DIPK1C: variants seen among roughly 807,000 people sequenced by gnomAD.
The protein encoded by DIPK1C is divergent protein kinase domain 1C.
Under a neutral mutation model 28.0 loss-of-function variants are expected in DIPK1C, and 33 were observed. That is an observed-to-expected ratio of 1.18 (90% CI 0.89 to 1.58). The LOEUF (loss-of-function observed/expected upper bound fraction) is 1.58. Among genes scored for constraint, DIPK1C ranks in the 40% most tolerant of loss-of-function variants. DIPK1C has a pLI of 0.00. For missense variants in DIPK1C, 569 were observed against 568.5 expected (o/e 1.00, Z -0.01); for synonymous variants, 255 against 248.8 (o/e 1.02, Z -0.23).
chr18:74,460,281 T>C (rs990397712), upstream of DIPK1C, among the ~76,000 whole-genome samples: 4 of 152,230 alleles, frequency 2.6e-5, no homozygotes, highest in Non-Finnish European at 4.4e-5. Flanking sequence ...CCTTGACCAG[T>C]ACAGATGTTC....
At chr18:74,445,615 A>T (rs1986241572) in intron 2 of DIPK1C, among the ~76,000 whole-genome samples, 2 of 152,328 alleles carry the variant, frequency 1.3e-5, no homozygotes, top group South Asian at 4.1e-4. Flanking sequence ...TTTATGTTGC[A>T]ACCATGCTGA....
intron 2 of DIPK1C, among the ~76,000 whole-genome samples, chr18:74,442,430 G>A (rs149508747): frequency 3.9e-5 from 6 of 152,098 alleles, no homozygotes; most frequent in East Asian, 3.9e-4. Flanking sequence ...CCGGGTTCAC[G>A]CCATTCTCCT....
At chr18:74,457,815 G>C (rs1017234128), upstream of DIPK1C, 7 of 149,532 alleles carry the variant, frequency 4.7e-5, no homozygotes, top group South Asian at 2.1e-4. Flanking sequence ...AGTGAGATCC[G>C]GAGCATGCAG....
chr18:74,439,967 C>T (rs549560006), intron 3 of DIPK1C, among the ~76,000 whole-genome samples: 17 of 133,742 alleles, frequency 1.3e-4, no homozygotes, highest in African/African-American at 1.7e-4. Context: ...TTTTTTGAGA[C>T]GGAGTCTCGC....
In DIPK1C at chr18:74,446,734, C is replaced by G; in HGVS notation, c.748G>C (p.Ala250Pro). The change falls in exon 2 of 4, where the codon GCC becomes CCC. Residue 250 changes from alanine to proline, a missense_variant. Transcript: ENST00000343998. ...RAPGAPGGGQ[A>P]KAISDIALSF... is the part of the protein sequence containing the mutation. The stretch of plus-strand genomic sequence containing the variant: ...AGTGCGATGTCACTGATGGCCTTGG[C>G]CTGGCCACCCCCAGGGGCACCTGGG... 1 of 1,540,122 alleles carries G rather than the reference C, an allele frequency of 6.5e-7. No homozygotes were observed.
At chr18:74,446,079 C>A (rs1284741995) in intron 2 of DIPK1C, among the ~76,000 whole-genome samples, 5 of 152,236 alleles carry the variant, frequency 3.3e-5, no homozygotes, top group Non-Finnish European at 5.9e-5. Flanking sequence ...ACTAAAACCC[C>A]ATTTGTTCCT....
upstream of DIPK1C, among the ~76,000 whole-genome samples, chr18:74,460,562 C>T (rs1376832378): frequency 1.3e-5 from 2 of 152,072 alleles, no homozygotes; most frequent in East Asian, 1.9e-4. Flanking sequence ...ATAGTAAAGC[C>T]GTGTTATTAA....
At chr18:74,458,282 G>T (rs944440728), upstream of DIPK1C, among the ~76,000 whole-genome samples, 1 of 152,198 alleles carries the variant, frequency 6.6e-6, no homozygotes, top group Non-Finnish European at 1.5e-5. Flanking sequence ...TGCATTCACT[G>T]AACAAAAGCT....
At chr18:74,437,502 G>T (rs985253018) in intron 3 of DIPK1C, among the ~76,000 whole-genome samples, 9 of 152,102 alleles carry the variant, frequency 5.9e-5, no homozygotes, top group Non-Finnish European at 1.3e-4. Context: ...TGCGAGCTGC[G>T]TGATGCATCA....
chr18:74,440,106 G>A (rs921916976), intron 3 of DIPK1C, among the ~76,000 whole-genome samples: 10 of 151,916 alleles, frequency 6.6e-5, no homozygotes, highest in South Asian at 2.1e-4. Flanking sequence ...CACCTCGCCC[G>A]GCTAATTTTT....
chr18:74,464,330 A>T, the DIPK1C span, among the ~76,000 whole-genome samples: 1 of 152,156 alleles, frequency 6.6e-6, no homozygotes, highest in Non-Finnish European at 1.5e-5. Context: ...CCTTGGTTCC[A>T]CCTCTCTCTC....
rs1042182093 is a variant in DIPK1C at position 74,435,314 on chromosome 18, G to C, written c.*1187C>G. 6.6e-6 allele frequency: 1 copy of C among 152,216 alleles called. No individual in the cohort carries two copies. The highest frequency in any genetic ancestry group is 2.4e-5 in the African/African-American group (1 of 41,440). The allele number at this position is 152,216 out of a possible 1,614,324, so 9.4% of individuals were successfully genotyped here. On this transcript the variant is annotated 3_prime_UTR_variant, in exon 4 of 4. Transcript: ENST00000343998. ...GTTTGTTGAGCACTCGTGGGTCACA[G>C]TTATGGGTAGAAACCAGGTCCCTTT...
At chr18:74,442,176 G>A in intron 2 of DIPK1C, 60 bp from the exon 3 acceptor site, 1 of 1,593,206 alleles carries the variant, frequency 6.3e-7, no homozygotes, top group Non-Finnish European at 8.5e-7. Flanking sequence ...CAGAGAGGGA[G>A]CCTGTTCACA....
intron 1 of DIPK1C, among the ~76,000 whole-genome samples, chr18:74,456,657 G>C (rs905999798): frequency 6.6e-6 from 1 of 152,214 alleles, no homozygotes; most frequent in Non-Finnish European, 1.5e-5. Flanking sequence ...AGACAGAGGC[G>C]TGGCACCCCG....
chr18:74,463,118 G>A, the DIPK1C span, among the ~76,000 whole-genome samples: 1 of 152,150 alleles, frequency 6.6e-6, no homozygotes, highest in Non-Finnish European at 1.5e-5. Flanking sequence ...GGGTGCCATG[G>A]GGATTCCAGC....
In DIPK1C at chr18:74,441,286, G is replaced by C. The variant is rs560443246; in HGVS notation, c.1041+666C>G. Among the ~76,000 whole-genome samples the C allele has an allele frequency of 4.5e-4, 69 of 152,270 alleles. 1 individual carries two copies. The highest frequency in any genetic ancestry group is 3.4e-3 in the Middle Eastern group (1 of 294). On this transcript the variant is annotated intron_variant, in intron 3 of 3. Transcript: ENST00000343998. ...GGGGAAGGTCTGCCTAGACACTGTGGGGCCTCCTCCGGGTATGATCAGCAC... is the reference window on the plus strand; with the variant it reads ...GGGGAAGGTCTGCCTAGACACTGTGCGGCCTCCTCCGGGTATGATCAGCAC...
At chr18:74,440,985 T>C (rs750674225) in intron 3 of DIPK1C, among the ~76,000 whole-genome samples, 8 of 151,548 alleles carry the variant, frequency 5.3e-5, no homozygotes, top group Non-Finnish European at 1.0e-4. Context: ...GGTGGCAGAG[T>C]CGGGGTGTTT....
upstream of DIPK1C, chr18:74,457,724 T>TC (rs72049473): frequency 0.67 from 88,100 of 131,354 alleles, 29,853 homozygotes; most frequent in East Asian, 0.92. Context: ...TGCAGCGTTG[T>TC]CCCCCCCCGT....
Position 74,446,876 on chromosome 18 carries a change from C to A in DIPK1C, c.606G>T (p.Leu202=). 2 of 1,519,908 alleles carry A rather than the reference C, an allele frequency of 1.3e-6. No individual in the cohort carries two copies. The highest frequency in any genetic ancestry group is 1.8e-6 in the Non-Finnish European group (2 of 1,129,292). 94.2% of individuals were successfully genotyped at this position (1,519,908 alleles called of 1,614,324 possible). The change falls in exon 2 of 4, where the codon CTG becomes CTT. Residue 202 remains leucine (L), a synonymous_variant. Transcript: ENST00000343998. The stretch of plus-strand genomic sequence containing the variant: ...GCAGCACGTGTGGGCTCAGGTCCTG[C>A]AGCAGGCTGAAGTAGACGTACTCCT... ...QQEEYVYFSL[L]QDLSPHVLPV...
Sources: gnomAD v4.1 joint callset for allele counts (sites outside exome capture counted in the v4.1 genomes callset) on GRCh38, gnomAD v4.1.1 for gene constraint, MANE v1.5 for transcripts, NCBI Gene and HGNC (gene_info 2026-07-23, HGNC 2026-07-21) for gene names.